The following COL25A1 variants were observed in gnomAD, a reference collection of about 807,000 sequenced individuals.
The protein encoded by COL25A1 is collagen alpha-1(XXV) chain.
In COL25A1, 103 loss-of-function variants were observed where a neutral mutation model predicts 128.4. That is an observed-to-expected ratio of 0.80 (90% CI 0.68 to 0.94). The LOEUF (loss-of-function observed/expected upper bound fraction) is 0.94. Among genes scored for constraint, COL25A1 ranks in the 40% least tolerant of loss-of-function variants. The probability of loss-of-function intolerance (pLI) is 0.00; values close to 1 mark genes in which losing one functional copy is unlikely to be tolerated. For missense variants in COL25A1, 745 were observed against 840.0 expected, an observed-to-expected ratio of 0.89 and a Z score of 1.40; for synonymous variants, 279 against 277.2, an observed-to-expected ratio of 1.01 and a Z score of -0.06.
chr4:109,217,986 T>C (rs1025851283), intron 3 of COL25A1, among the ~76,000 whole-genome samples: 2 of 152,174 alleles, frequency 1.3e-5, no homozygotes, highest in Non-Finnish European at 2.9e-5. Context: ...TGTATTCCCA[T>C]AGCTAGTAAG....
At chr4:109,000,559 A>C (rs1755246529) in intron 6 of COL25A1, among the ~76,000 whole-genome samples, 1 of 151,982 alleles carries the variant, frequency 6.6e-6, no homozygotes, top group East Asian at 1.9e-4. Flanking sequence ...CAGCCTGGCC[A>C]ACATGGTGAA....
At chr4:109,203,807 T>G (rs1776761195) in intron 3 of COL25A1, among the ~76,000 whole-genome samples, 1 of 152,144 alleles carries the variant, frequency 6.6e-6, no homozygotes, top group Admixed American at 6.6e-5. Flanking sequence ...AAATTTCCAC[T>G]TAATTGTAAT....
chr4:109,250,983 A>G (rs537332132), intron 3 of COL25A1, among the ~76,000 whole-genome samples: 1 of 152,206 alleles, frequency 6.6e-6, no homozygotes, highest in Non-Finnish European at 1.5e-5. Flanking sequence ...TTTCTGCAGA[A>G]GAGGATGTAA....
At chr4:109,011,821 T>C (rs1168402190) in intron 5 of COL25A1, among the ~76,000 whole-genome samples, 1 of 152,214 alleles carries the variant, frequency 6.6e-6, no homozygotes, top group Non-Finnish European at 1.5e-5. Flanking sequence ...TGCTTAACAC[T>C]CTCAACTTGC....
intron 3 of COL25A1, among the ~76,000 whole-genome samples, chr4:109,212,022 C>A (rs1229591429): frequency 6.6e-6 from 1 of 151,968 alleles, no homozygotes; most frequent in Non-Finnish European, 1.5e-5. Flanking sequence ...ATCTATAAAA[C>A]AATATGTTAT....
chr4:108,959,354 CAA>C lies in COL25A1; in HGVS notation c.492+15011_492+15012del, dbSNP rs1478092637. On this transcript the variant is annotated intron_variant, in intron 8 of 37. Coordinates refer to ENST00000399132, the MANE Select transcript of COL25A1 (RefSeq NM_198721.4). ...AAGAAAAATGAAATGTATCTACTAC[CAA>C]AATCTGGTTCACAGGTTACCAGTTT... Among the ~76,000 whole-genome samples the C allele has an allele frequency of 6.0e-3, 915 of 152,142 alleles. 6 individuals carry two copies. Among genetic ancestry groups the C allele is most frequent in the African/African-American group, 0.021 (865 of 41,542 alleles).
At chr4:109,019,648 T>A (rs3108325) in intron 5 of COL25A1, among the ~76,000 whole-genome samples, 76,863 of 151,298 alleles carry the variant, frequency 0.51, 22,166 homozygotes, top group African/African-American at 0.78. Context: ...AGAACAGCAC[T>A]AGGGAAACTG....
At chr4:109,126,386 G>A (rs906657617) in intron 3 of COL25A1, among the ~76,000 whole-genome samples, 1 of 152,054 alleles carries the variant, frequency 6.6e-6, no homozygotes, top group Admixed American at 6.6e-5. Context: ...CAAGAAGGTA[G>A]AACAAAGCTT....
intron 31 of COL25A1, chr4:108,834,501 C>T (rs894410795): frequency 1.6e-5 from 15 of 927,484 alleles, no homozygotes; most frequent in Non-Finnish European, 2.4e-5. Context: ...ACATAATACG[C>T]AGTTACAGGG....
intron 3 of COL25A1, among the ~76,000 whole-genome samples, chr4:109,124,837 A>G (rs1768433261): frequency 6.6e-6 from 1 of 152,046 alleles, no homozygotes; most frequent in Admixed American, 6.6e-5. Context: ...GGGTAGAAAA[A>G]CATATAGCAA....
rs1736947071 is a variant in COL25A1, at chr4:108,859,722, A to G, written c.1254T>C (p.Gly418=). Residue 418 remains glycine (G), a synonymous_variant, in exon 24 of 38, where the codon GGT becomes GGC. Transcript: ENST00000399132. The stretch of plus-strand genomic sequence containing the variant: ...CAGTGGCTCCTTGATCCCCTTTTTG[A>G]CCAGGTGGACCCTATGACAAAACCA... ...SGAQGPRGPP[G]QKGDQGATEI... is the part of the protein sequence containing the mutation. The G allele has an allele frequency of 6.2e-7, 1 of 1,613,592 alleles. No homozygotes were observed. The highest frequency in any genetic ancestry group is 8.5e-7 in the Non-Finnish European group (1 of 1,179,842).
chr4:109,189,547 C>G (rs1015616148), intron 3 of COL25A1, among the ~76,000 whole-genome samples: 2 of 53,606 alleles, frequency 3.7e-5, no homozygotes, highest in African/African-American at 6.0e-5. Flanking sequence ...GACTCCATCT[C>G]AAAAAAAAAA....
intron 5 of COL25A1, among the ~76,000 whole-genome samples, chr4:109,012,392 G>A (rs936232939): frequency 4.6e-5 from 6 of 131,142 alleles, no homozygotes; most frequent in Admixed American, 1.6e-4. Flanking sequence ...GAGCCCTTCA[G>A]CCCGCCACTG....
intron 8 of COL25A1, among the ~76,000 whole-genome samples, chr4:108,960,551 G>T (rs1216162928): frequency 6.6e-6 from 1 of 152,088 alleles, no homozygotes; most frequent in Non-Finnish European, 1.5e-5. Context: ...GAAGAATCAA[G>T]GCTGAAAAAT....
At chr4:109,134,626 G>A (rs147089926) in intron 3 of COL25A1, among the ~76,000 whole-genome samples, 131 of 152,192 alleles carry the variant, frequency 8.6e-4, no homozygotes, top group African/African-American at 3.0e-3. Context: ...AATATCACCC[G>A]GACTTGGTTA....
At chr4:108,891,758 C>T (rs555240313) in intron 16 of COL25A1, among the ~76,000 whole-genome samples, 23 of 151,180 alleles carry the variant, frequency 1.5e-4, no homozygotes, top group Non-Finnish European at 3.1e-4. Flanking sequence ...TTCATTTTGA[C>T]AACAGGACAT....
chr4:109,100,524 T>C (rs951100880), intron 3 of COL25A1, among the ~76,000 whole-genome samples: 1 of 152,118 alleles, frequency 6.6e-6, no homozygotes, highest in Non-Finnish European at 1.5e-5. Flanking sequence ...ATGCTGTCTG[T>C]GGGTGATTGA....
intron 5 of COL25A1, among the ~76,000 whole-genome samples, chr4:109,045,165 G>A (rs1269285433): frequency 2.0e-5 from 3 of 152,128 alleles, no homozygotes; most frequent in African/African-American, 7.2e-5. Context: ...TAAGAATGCA[G>A]TATGTAATAC....
Position 108,845,230 on chromosome 4 carries a change from C to G in COL25A1, c.1537G>C (p.Glu513Gln). The change falls in exon 29 of 38, where the codon GAA (glutamate) becomes CAA (glutamine). Residue 513 changes from glutamate to glutamine, a missense_variant. This residue lies in a region of COL25A1 where 387 missense variants were observed against 441.9 expected (regional missense o/e 0.88). Transcript: ENST00000399132. ...GLPGANGMKG[E>Q]KGDSGMPGPQ... ...CCCGGCATTCCAGAATCTCCTTTTT[C>G]TCCTTTCATTCCATTGGCTCCCTAT... The G allele has an allele frequency of 6.2e-7, 1 of 1,613,894 alleles. No homozygotes were observed. Among genetic ancestry groups the G allele is most frequent in the African/African-American group, 1.3e-5 (1 of 75,052 alleles).
Sources: allele counts gnomAD v4.1 joint callset (sites outside exome capture counted in the v4.1 genomes callset), GRCh38; gene constraint gnomAD v4.1.1; regional missense constraint gnomAD v4.1.1; transcripts MANE v1.5; gene names NCBI Gene and HGNC (gene_info 2026-07-23, HGNC 2026-07-21).